Variants in LDB2 observed in about 807,000 individuals in gnomAD.
LDB2 encodes the protein LIM domain binding 2, also known as LIM domain-binding protein 2.
Under a neutral mutation model 44.3 loss-of-function variants are expected in LDB2, and 12 were observed. The ratio of observed to expected loss-of-function variants is 0.27; its 90% CI spans 0.17 to 0.44. The LOEUF (loss-of-function observed/expected upper bound fraction) is 0.44, where lower values mean the gene tolerates loss of function less well. Ranked by LOEUF, LDB2 falls within the 20% of genes least tolerant of loss-of-function variation. LDB2 has a pLI of 1.00. For synonymous variants in LDB2, 164 were observed against 174.8 expected (o/e 0.94, Z 0.49); for missense variants, 344 against 473.5 (o/e 0.73, Z 2.54).
At chr4:16,853,772 T>A (rs1038732927) in intron 1 of LDB2, among the ~76,000 whole-genome samples, 1 of 152,154 alleles carries the variant, frequency 6.6e-6, no homozygotes. Flanking sequence ...GGTACATATA[T>A]GCAATGGAAT....
intron 5 of LDB2, among the ~76,000 whole-genome samples, chr4:16,522,756 C>T (rs11732672): frequency 0.76 from 115,338 of 152,114 alleles, 44,223 homozygotes; most frequent in African/African-American, 0.87. Context: ...TATAACTTGT[C>T]CTGACCATTG....
At chr4:16,585,511 C>T (rs141899257) in intron 5 of LDB2, among the ~76,000 whole-genome samples, 131 of 152,266 alleles carry the variant, frequency 8.6e-4, no homozygotes, top group Non-Finnish European at 1.6e-3. Context: ...GATTGGATTT[C>T]TTCAGGAGAC....
intron 1 of LDB2, among the ~76,000 whole-genome samples, chr4:16,897,963 T>TATAC (rs1725794895): frequency 1.7e-5 from 1 of 57,220 alleles, no homozygotes; most frequent in Non-Finnish European, 3.2e-5. Context: ...TATATATATA[T>TATAC]ATATATATAT....
intron 7 of LDB2, chr4:16,503,152 A>ATTTT (rs2152189963): frequency 1.3e-6 from 2 of 1,535,260 alleles, no homozygotes; most frequent in South Asian, 2.4e-5. Flanking sequence ...AAAAAAATGT[A>ATTTT]TTTTTCAAAA....
At chr4:16,684,558 TG>T (rs1748744302) in intron 2 of LDB2, among the ~76,000 whole-genome samples, 1 of 152,244 alleles carries the variant, frequency 6.6e-6, no homozygotes, top group South Asian at 2.1e-4. Context: ...TCTTGTTTTG[TG>T]GGAGAAAAAC....
intron 1 of LDB2, among the ~76,000 whole-genome samples, chr4:16,897,908 A>ACACATATG (rs1292508118): frequency 6.6e-5 from 1 of 15,170 alleles, no homozygotes; most frequent in African/African-American, 6.6e-4. Context: ...ATATATATAT[A>ACACATATG]TATATATATA....
intron 3 of LDB2, 144 bp from the exon 4 acceptor site, chr4:16,588,976 C>T (rs898932046): frequency 1.3e-6 from 1 of 752,586 alleles, no homozygotes; most frequent in Non-Finnish European, 2.2e-6. Context: ...AGTGATGTGT[C>T]CACTGCACAC....
chr4:16,768,112 T>C (rs1462184555), intron 1 of LDB2, among the ~76,000 whole-genome samples: 3 of 152,182 alleles, frequency 2.0e-5, no homozygotes. Context: ...GAAATTACCA[T>C]GGCAACCACT....
At chr4:16,693,952 T>C (rs180909361) in intron 2 of LDB2, among the ~76,000 whole-genome samples, 2 of 152,212 alleles carry the variant, frequency 1.3e-5, no homozygotes, top group African/African-American at 4.8e-5. Context: ...CTTCATTATA[T>C]ACAGAAATCA....
chr4:16,873,960 G>T (rs1297223475), intron 1 of LDB2, among the ~76,000 whole-genome samples: 1 of 152,094 alleles, frequency 6.6e-6, no homozygotes, highest in Non-Finnish European at 1.5e-5. Flanking sequence ...TGTTTTTGAG[G>T]CTCGTCCACG....
chr4:16,632,500 C>T (rs1037271184), intron 2 of LDB2, among the ~76,000 whole-genome samples: 1 of 152,188 alleles, frequency 6.6e-6, no homozygotes, highest in East Asian at 1.9e-4. Context: ...AAACTGGAAG[C>T]ATTCCTTTTG....
intron 1 of LDB2, among the ~76,000 whole-genome samples, chr4:16,895,982 G>A (rs1399207930): frequency 2.6e-5 from 4 of 151,868 alleles, no homozygotes; most frequent in Admixed American, 6.6e-5. Context: ...AAAAACAAAT[G>A]TATGGCATTG....
intron 1 of LDB2, among the ~76,000 whole-genome samples, chr4:16,768,535 T>A (rs1258795535): frequency 6.6e-6 from 1 of 151,870 alleles, no homozygotes; most frequent in Non-Finnish European, 1.5e-5. Context: ...TATCCAGATA[T>A]TAAGAAAGAA....
intron 1 of LDB2, among the ~76,000 whole-genome samples, chr4:16,863,884 T>C (rs1005413152): frequency 6.6e-6 from 1 of 152,050 alleles, no homozygotes; most frequent in Non-Finnish European, 1.5e-5. Flanking sequence ...ATGGTCTCAA[T>C]CTCCTAACCT....
chr4:16,846,007 G>T (rs1283193833), intron 1 of LDB2, among the ~76,000 whole-genome samples: 1 of 151,856 alleles, frequency 6.6e-6, no homozygotes, highest in African/African-American at 2.4e-5. Flanking sequence ...TACTCAGGAG[G>T]CTGAGGCAGG....
intron 2 of LDB2, among the ~76,000 whole-genome samples, chr4:16,648,926 G>T (rs1299357129): frequency 6.6e-6 from 1 of 151,806 alleles, no homozygotes; most frequent in Admixed American, 6.6e-5. Context: ...TACAAAGCAG[G>T]GCAGAGTTTA....
intron 1 of LDB2, among the ~76,000 whole-genome samples, chr4:16,795,190 T>C (rs897079189): frequency 1.2e-4 from 19 of 152,070 alleles, no homozygotes; most frequent in African/African-American, 4.6e-4. Context: ...AGAAGATTCT[T>C]CCAGAAACAC....
intron 2 of LDB2, among the ~76,000 whole-genome samples, chr4:16,724,659 C>A (rs1759044350): frequency 6.6e-6 from 1 of 152,140 alleles, no homozygotes; most frequent in Non-Finnish European, 1.5e-5. Context: ...TGAGCCATGT[C>A]AATACTTTTC....
chr4:16,705,880 TAAA>T (rs1399252009), intron 2 of LDB2, among the ~76,000 whole-genome samples: 1 of 152,182 alleles, frequency 6.6e-6, no homozygotes, highest in Non-Finnish European at 1.5e-5. Context: ...AAATTTAAGA[TAAA>T]GAAACAATCC....
Sources: gnomAD v4.1 joint callset for allele counts (sites outside exome capture counted in the v4.1 genomes callset) on GRCh38, gnomAD v4.1.1 for gene constraint, MANE v1.5 for transcripts, NCBI Gene and HGNC (gene_info 2026-07-23, HGNC 2026-07-21) for gene names.